Variants in KCTD16 observed in about 807,000 individuals in gnomAD.
KCTD16 encodes BTB/POZ domain-containing protein KCTD16.
In KCTD16, 13 loss-of-function variants were observed where a neutral mutation model predicts 33.2. The ratio of observed to expected loss-of-function variants is 0.39; its 90% CI spans 0.25 to 0.62. KCTD16 has a LOEUF of 0.62. Among genes scored for constraint, KCTD16 ranks in the 20% least tolerant of loss-of-function variants. The pLI is 0.50. For synonymous variants in KCTD16, 197 were observed against 195.3 expected, an observed-to-expected ratio of 1.01 and a Z score of -0.07; for missense variants, 441 against 525.1, an observed-to-expected ratio of 0.84 and a Z score of 1.57.
rs376715996 is a variant in KCTD16, at chr5:144,447,474, T to G, written c.833-26186T>G. ...CTACTGTAGATGATGGGTTGGTGGG[T>G]GCAGGAAACCACCATCGCACATGTA... is the stretch of plus-strand genomic sequence containing the variant. On this transcript the variant is annotated intron_variant, in intron 3 of 3. Coordinates refer to ENST00000512467, the MANE Select transcript of KCTD16 (RefSeq NM_020768.4). 3.9e-5 allele frequency among the ~76,000 whole-genome samples: 6 copies of G among 152,090 alleles called. No homozygotes were observed. The South Asian group carries it at 8.3e-4, about 21-fold the overall frequency.
intron 3 of KCTD16, among the ~76,000 whole-genome samples, chr5:144,244,841 C>T (rs1036828230): frequency 1.3e-5 from 2 of 152,038 alleles, no homozygotes; most frequent in Non-Finnish European, 2.9e-5. Flanking sequence ...AGTAACAAAT[C>T]CCCTCCTAGG....
chr5:144,204,841 AAG>A (rs1192070921), intron 2 of KCTD16, among the ~76,000 whole-genome samples: 1 of 151,994 alleles, frequency 6.6e-6, no homozygotes. Flanking sequence ...AAAGGAAAAA[AAG>A]GGAGAATTTG....
rs370804293 is a variant in KCTD16, at chr5:144,181,556, G to A, written c.-327+7084G>A. 3.3e-5 allele frequency among the ~76,000 whole-genome samples: 5 copies of A among 152,290 alleles called. No homozygotes were observed. In the East Asian group the frequency reaches 7.7e-4, roughly 24 times the overall value. On this transcript the variant is annotated intron_variant, in intron 2 of 3. Transcript: ENST00000512467. ...CAGTGGATGATTGAATAAAAAATTT[G>A]TTGTTGGTGGTGGTGTTTGTGTGTA...
intron 3 of KCTD16, among the ~76,000 whole-genome samples, chr5:144,400,497 A>G (rs1450548374): frequency 6.6e-6 from 1 of 152,162 alleles, no homozygotes; most frequent in Non-Finnish European, 1.5e-5. Flanking sequence ...ATTATTGATC[A>G]TAGTGTTTCA....
chr5:144,239,412 C>A (rs1754341328), intron 3 of KCTD16, among the ~76,000 whole-genome samples: 1 of 152,092 alleles, frequency 6.6e-6, no homozygotes, highest in Non-Finnish European at 1.5e-5. Context: ...AAGACAAAAA[C>A]CACATTACAT....
At chr5:144,238,617 A>G (rs1009058523) in intron 3 of KCTD16, among the ~76,000 whole-genome samples, 1 of 152,030 alleles carries the variant, frequency 6.6e-6, no homozygotes, top group East Asian at 1.9e-4. Context: ...CCTGGTCTTG[A>G]TTCATTTCAG....
rs1413173703 is a variant in KCTD16 at position 144,446,800 on chromosome 5, G to GA, written c.833-26853dup. On this transcript the variant is annotated intron_variant, in intron 3 of 3. Transcript: ENST00000512467. ...AGATTTATGCAGCCAACAAACATAT[G>GA]AAAAAAAGCTCATCATCACTGGTCA... 3.9e-5 allele frequency among the ~76,000 whole-genome samples: 6 copies of GA among 152,030 alleles called. No homozygotes were observed. In the South Asian group the frequency reaches 1.2e-3, roughly 32 times the overall value.
intron 2 of KCTD16, among the ~76,000 whole-genome samples, chr5:144,174,848 T>G (rs934872720): frequency 6.6e-6 from 1 of 152,210 alleles, no homozygotes; most frequent in African/African-American, 2.4e-5. Context: ...ATATTGTAAA[T>G]ACTGTAAATA....
chr5:144,443,520 T>C (rs1753757559), intron 3 of KCTD16, among the ~76,000 whole-genome samples: 1 of 152,088 alleles, frequency 6.6e-6, no homozygotes, highest in South Asian at 2.1e-4. Context: ...TCTCTTCTTT[T>C]ACTATTGTTT....
intron 3 of KCTD16, among the ~76,000 whole-genome samples, chr5:144,316,603 C>T (rs1263147143): frequency 1.3e-5 from 2 of 150,352 alleles, no homozygotes; most frequent in African/African-American, 4.9e-5. Context: ...ACCTCCACCT[C>T]CCGGGTTCAA....
intron 3 of KCTD16, among the ~76,000 whole-genome samples, chr5:144,233,405 C>G (rs1754161952): frequency 6.6e-6 from 1 of 152,054 alleles, no homozygotes; most frequent in African/African-American, 2.4e-5. Flanking sequence ...AACTCTGTTT[C>G]CATCTGATTT....
At position 144,215,487 on chromosome 5, in the gene KCTD16, A is replaced by T. The variant is rs1014479917; in HGVS notation, c.832+7941A>T. Among the ~76,000 whole-genome samples the T allele has an allele frequency of 3.3e-5, 5 of 152,232 alleles. No homozygotes were observed. In the South Asian group the frequency reaches 8.3e-4, roughly 25 times the overall value. On this transcript the variant is annotated intron_variant, in intron 3 of 3. Coordinates refer to ENST00000512467, the MANE Select transcript of KCTD16 (RefSeq NM_020768.4). ...ATCATTTCTTAATGCCAGAGGCAGC[A>T]TAACATAGTGGTTAAGAGCCTGGAT...
intron 1 of KCTD16, among the ~76,000 whole-genome samples, 172 bp from the exon 2 acceptor site, chr5:144,174,135 A>G (rs1030772270): frequency 1.3e-5 from 2 of 152,214 alleles, no homozygotes; most frequent in African/African-American, 4.8e-5. Flanking sequence ...CAAAACAAAA[A>G]GGGAAAGGAC....
At chr5:144,203,255 A>G (rs761303533) in intron 2 of KCTD16, among the ~76,000 whole-genome samples, 1 of 151,964 alleles carries the variant, frequency 6.6e-6, no homozygotes, top group Non-Finnish European at 1.5e-5. Flanking sequence ...TCTTTTTAAG[A>G]GTATTAATAT....
chr5:144,250,948 A>G (rs928056723), intron 3 of KCTD16, among the ~76,000 whole-genome samples: 7 of 152,126 alleles, frequency 4.6e-5, no homozygotes, highest in Non-Finnish European at 1.0e-4. Flanking sequence ...TATTATATAT[A>G]TGTATATATG....
At chr5:144,297,685 C>T (rs919187849) in intron 3 of KCTD16, among the ~76,000 whole-genome samples, 8 of 152,170 alleles carry the variant, frequency 5.3e-5, no homozygotes, top group African/African-American at 1.9e-4. Flanking sequence ...ACTTAGCTCA[C>T]ATCCGACCAA....
intron 3 of KCTD16, among the ~76,000 whole-genome samples, chr5:144,319,699 A>G (rs1334236571): frequency 6.6e-6 from 1 of 152,200 alleles, no homozygotes; most frequent in Non-Finnish European, 1.5e-5. Flanking sequence ...GGATTTTATC[A>G]TATACCGACC....
chr5:144,422,232 A>AT (rs1487312044), intron 3 of KCTD16, among the ~76,000 whole-genome samples: 2 of 152,130 alleles, frequency 1.3e-5, no homozygotes, highest in Non-Finnish European at 2.9e-5. Flanking sequence ...GTGGTCTAGT[A>AT]TTTGTCAAAG....
chr5:144,362,486 C>G (rs1751736326), intron 3 of KCTD16, among the ~76,000 whole-genome samples: 1 of 152,076 alleles, frequency 6.6e-6, no homozygotes, highest in African/African-American at 2.4e-5. Context: ...ATGACAGAGG[C>G]TTTGCTATTA....
Sources: allele counts gnomAD v4.1 joint callset (sites outside exome capture counted in the v4.1 genomes callset), GRCh38; gene constraint gnomAD v4.1.1; transcripts MANE v1.5; gene names NCBI Gene and HGNC (gene_info 2026-07-23, HGNC 2026-07-21).